REPS1: variants seen among roughly 807,000 people sequenced by gnomAD.
REPS1 encodes the protein ralBP1-associated Eps domain-containing protein 1.
A neutral mutation model predicts 100.9 loss-of-function variants in REPS1; 39 were observed. The ratio of observed to expected loss-of-function variants is 0.39; its 90% confidence interval spans 0.30 to 0.50. REPS1 has a LOEUF of 0.50. Among genes scored for constraint, REPS1 ranks in the 20% least tolerant of loss-of-function variants. The pLI is 0.86. For missense variants in REPS1, 821 were observed against 968.5 expected, an observed-to-expected ratio of 0.85 and a Z score of 2.02; for synonymous variants, 324 against 340.3, an observed-to-expected ratio of 0.95 and a Z score of 0.53.
At chr6:138,929,568 A>G (rs1466815100) in intron 9 of REPS1, 3 of 153,630 alleles carry the variant, frequency 2.0e-5, no homozygotes, top group Non-Finnish European at 2.9e-5. Context: ...CTAAGATCCC[A>G]AATGTACTAT....
Position 138,905,028 on chromosome 6 carries a change from TA to T in REPS1, c.*35del. The T allele has an allele frequency of 1.2e-6, 2 of 1,608,960 alleles. No individual in the cohort carries two copies. The highest frequency in any genetic ancestry group is 3.3e-4 in the Middle Eastern group (2 of 6,044). ...AATTGGCTTTGAACCCAAAACCACT[TA>T]AAAACAAGTATGTTCACAGTTAACG... On this transcript the variant is annotated 3_prime_UTR_variant, in exon 20 of 20. Coordinates refer to ENST00000450536, the MANE Select transcript of REPS1 (RefSeq NM_001286611.2).
chr6:138,939,530 G>A (rs1008927391), intron 8 of REPS1, among the ~76,000 whole-genome samples: 108 of 152,280 alleles, frequency 7.1e-4, no homozygotes, highest in African/African-American at 2.6e-3. Flanking sequence ...CAGATTCACT[G>A]ACAAATATAA....
At position 138,940,671 on chromosome 6, in the gene REPS1, G is replaced by A. The variant is rs367942515; in HGVS notation, c.1135+664C>T. ...TGAGGCAGGAGAATCGCTTGAACCC[G>A]GGAGGTGGAGACTGCAGTGAGCCGA... On this transcript the variant is annotated intron_variant, in intron 8 of 19. Coordinates refer to ENST00000450536, the MANE Select transcript of REPS1 (RefSeq NM_001286611.2). Among the ~76,000 whole-genome samples the A allele has an allele frequency of 2.2e-3, 335 of 151,868 alleles. 2 individuals are homozygous for A. The highest frequency in any genetic ancestry group is 3.4e-3 in the Non-Finnish European group (230 of 67,948).
intron 19 of REPS1, among the ~76,000 whole-genome samples, chr6:138,906,585 A>G (rs1391648669): frequency 2.0e-5 from 3 of 152,242 alleles, no homozygotes; most frequent in Non-Finnish European, 4.4e-5. Flanking sequence ...CACAGATAAT[A>G]ATTCCAGGAC....
intron 15 of REPS1, among the ~76,000 whole-genome samples, chr6:138,914,324 T>C (rs188577269): frequency 5.3e-5 from 8 of 152,132 alleles, no homozygotes; most frequent in Non-Finnish European, 1.2e-4. Context: ...CCTACTGCCT[T>C]AGCCTCCCAA....
intron 1 of REPS1, among the ~76,000 whole-genome samples, chr6:138,976,114 T>C (rs1429623377): frequency 1.3e-5 from 2 of 152,176 alleles, no homozygotes; most frequent in Non-Finnish European, 2.9e-5. Flanking sequence ...GCTATTAATA[T>C]ACAGTATCAA....
intron 1 of REPS1, among the ~76,000 whole-genome samples, chr6:138,983,269 T>C (rs1785055527): frequency 6.6e-6 from 1 of 152,138 alleles, no homozygotes; most frequent in Middle Eastern, 3.4e-3. Context: ...CTGGCCAATA[T>C]GGTGAAACCC....
At chr6:138,921,222 G>T in intron 10 of REPS1, 98 bp from the exon 11 acceptor site, 1 of 745,816 alleles carries the variant, frequency 1.3e-6, no homozygotes, top group Non-Finnish European at 2.2e-6. Context: ...CAGTGGACAG[G>T]CTTTCCCATT....
Position 138,943,867 on chromosome 6 carries a change from T to C in REPS1, c.902A>G (p.Asn301Ser). ...NQFKTIQPDL[N>S]GFIPGSAAKE... Reference sequence around the variant, plus strand: ...CAACAACTCACCTGGAATAAATCCGTTTAGATCAGGCTGAATGGTTTTAAA... The same window carrying C: ...CAACAACTCACCTGGAATAAATCCGCTTAGATCAGGCTGAATGGTTTTAAA... Residue 301 changes from asparagine (N) to serine (S), a missense_variant, in exon 6 of 20, where the codon AAC (asparagine) becomes AGC (serine). By Grantham distance (46) the Asn-to-Ser change is conservative (BLOSUM62 1). This residue lies in a region of REPS1 where 757 missense variants were observed against 866.4 expected (regional missense o/e 0.87). Coordinates refer to ENST00000450536, the MANE Select transcript of REPS1 (RefSeq NM_001286611.2). The C allele has an allele frequency of 6.2e-7, 1 of 1,613,198 alleles. No individual in the cohort carries two copies. Among genetic ancestry groups the C allele is most frequent in the Non-Finnish European group, 8.5e-7 (1 of 1,179,624 alleles).
chr6:138,955,616 C>T (rs1041603266), intron 1 of REPS1, among the ~76,000 whole-genome samples: 1 of 151,752 alleles, frequency 6.6e-6, no homozygotes, highest in Non-Finnish European at 1.5e-5. Flanking sequence ...CTGGCTTTAC[C>T]AAGGAATATC....
At chr6:138,965,929 A>C (rs1215817208) in intron 1 of REPS1, among the ~76,000 whole-genome samples, 5 of 152,216 alleles carry the variant, frequency 3.3e-5, no homozygotes, top group Non-Finnish European at 5.9e-5. Context: ...TTTACAATAA[A>C]ACATTTAAAC....
At chr6:138,956,418 C>A (rs1021388267) in intron 1 of REPS1, among the ~76,000 whole-genome samples, 1 of 151,928 alleles carries the variant, frequency 6.6e-6, no homozygotes, top group African/African-American at 2.4e-5. Context: ...CGAAGATCCC[C>A]ATCTCCACTG....
chr6:138,908,408 C>T (rs781386646), intron 18 of REPS1, among the ~76,000 whole-genome samples: 12 of 152,178 alleles, frequency 7.9e-5, no homozygotes, highest in Non-Finnish European at 1.6e-4. Flanking sequence ...AATTCTCCTA[C>T]CTCAGCTTCC....
chr6:138,973,967 A>C (rs1309251640), intron 1 of REPS1, among the ~76,000 whole-genome samples: 2 of 152,172 alleles, frequency 1.3e-5, no homozygotes, highest in Non-Finnish European at 2.9e-5. Context: ...ACAGTCAGGA[A>C]GCAGACAGGC....
chr6:138,932,989 A>G lies in REPS1; in HGVS notation c.1136-2891T>C, dbSNP rs1196825585. On this transcript the variant is annotated intron_variant, in intron 8 of 19. Coordinates refer to ENST00000450536, the MANE Select transcript of REPS1 (RefSeq NM_001286611.2). The stretch of plus-strand genomic sequence containing the variant: ...AAATGCACTTTTTAAATATTTTTAT[A>G]ATGAAAGATGTCAACATCTGAAAGA... Among the ~76,000 whole-genome samples the G allele has an allele frequency of 6.6e-5, 10 of 152,318 alleles. 1 individual carries two copies. The South Asian group carries it at 1.2e-3, about 19-fold the overall frequency.
At chr6:138,923,768 G>T (rs567652083) in intron 10 of REPS1, among the ~76,000 whole-genome samples, 1 of 152,154 alleles carries the variant, frequency 6.6e-6, no homozygotes, top group African/African-American at 2.4e-5. Flanking sequence ...CTGTGTAGTG[G>T]TTGTCTCTAA....
At chr6:138,956,232 C>G (rs994024296) in intron 1 of REPS1, among the ~76,000 whole-genome samples, 12 of 151,998 alleles carry the variant, frequency 7.9e-5, no homozygotes, top group African/African-American at 2.7e-4. Context: ...AGGAAGTTAG[C>G]TGACAGAAAA....
intron 10 of REPS1, among the ~76,000 whole-genome samples, chr6:138,925,133 G>T (rs1199054141): frequency 6.6e-6 from 1 of 151,882 alleles, no homozygotes; most frequent in Non-Finnish European, 1.5e-5. Context: ...ATCACTGGAG[G>T]TCAGGAGTTC....
Position 138,926,491 on chromosome 6 carries a change from CAG to C in REPS1, c.1258-12_1258-11del, listed in dbSNP as rs780973153. 2 of 1,590,596 alleles carry C rather than the reference CAG, an allele frequency of 1.3e-6. No homozygotes were observed. The highest frequency in any genetic ancestry group is 4.5e-5 in the East Asian group (2 of 44,732). On this transcript the variant is annotated splice_polypyrimidine_tract_variant and intron_variant, in intron 9 of 19. Transcript: ENST00000450536. ...TAAATGTCTCCCACTGCTGAACAGA[CAG>C]AGGAGAGACAAGTCAGCATGATGAG... is the stretch of plus-strand genomic sequence containing the variant.
Sources: allele counts gnomAD v4.1 joint callset (sites outside exome capture counted in the v4.1 genomes callset), GRCh38; gene constraint gnomAD v4.1.1; regional missense constraint gnomAD v4.1.1; transcripts MANE v1.5; gene names NCBI Gene and HGNC (gene_info 2026-07-23, HGNC 2026-07-21).